The following KIRREL2 variants were observed in gnomAD, a reference collection of about 807,000 sequenced individuals.
KIRREL2 encodes the protein kin of IRRE-like protein 2.
KIRREL2 carries 56 observed loss-of-function variants against 73.4 expected under a neutral mutation model. The ratio of observed to expected loss-of-function variants is 0.76; its 90% CI spans 0.62 to 0.95. The LOEUF (loss-of-function observed/expected upper bound fraction) is 0.95. Among genes scored for constraint, KIRREL2 ranks in the 40% least tolerant of loss-of-function variants. The pLI, the probability that KIRREL2 is intolerant of heterozygous loss-of-function variation, is 0.00. For synonymous variants in KIRREL2, 407 were observed against 404.0 expected, an observed-to-expected ratio of 1.01 and a Z score of -0.09; for missense variants, 896 against 935.0, an observed-to-expected ratio of 0.96 and a Z score of 0.54.
intron 11 of KIRREL2, among the ~76,000 whole-genome samples, chr19:35,862,249 C>A (rs529447374): frequency 6.6e-6 from 1 of 152,154 alleles, no homozygotes; most frequent in African/African-American, 2.4e-5. Flanking sequence ...ACCTAGGGGC[C>A]CCAAAAAGGG....
upstream of KIRREL2, among the ~76,000 whole-genome samples, chr19:35,855,292 C>T (rs569241570): frequency 6.6e-6 from 1 of 152,130 alleles, no homozygotes; most frequent in East Asian, 1.9e-4. Context: ...TTGCTGGGGC[C>T]TTTAATAAGC....
chr19:35,857,212 GTGGGGGT>G, intron 1 of KIRREL2, 32 bp downstream of exon 1: 1 of 1,587,978 alleles, frequency 6.3e-7, no homozygotes, highest in Non-Finnish European at 8.6e-7. Flanking sequence ...GGAATATGGG[GTGGGGGT>G]GGGGAGTTGC....
rs761116739 is a variant in KIRREL2 at position 35,866,311 on chromosome 19, TC to T, written c.1953del (p.Cys652AlafsTer79). The T allele has an allele frequency of 2.5e-6, 4 of 1,607,272 alleles. No homozygotes were observed. Among genetic ancestry groups the T allele is most frequent in the Middle Eastern group, 1.7e-4 (1 of 6,050 alleles). Reference sequence around the variant, plus strand: ...GACTTCAACCCACACCTGGGCATGGTCCCCCCCTGCAGACTTTACAGAGCCA... The same window carrying T: ...GACTTCAACCCACACCTGGGCATGGTCCCCCCTGCAGACTTTACAGAGCCA... The part of the protein sequence containing the change: ...FYDFNPHLGM[V>X]PPCRLYRARA... On this transcript the variant is annotated frameshift_variant, in exon 15 of 15. Coordinates refer to ENST00000360202, the MANE Select transcript of KIRREL2 (RefSeq NM_199180.4). LOFTEE classifies it high-confidence loss of function.
Position 35,859,477 on chromosome 19 carries a change from C to G in KIRREL2, c.523-4C>G, listed in dbSNP as rs941509793. The G allele has an allele frequency of 6.8e-6, 11 of 1,613,632 alleles. No individual in the cohort carries two copies. Among genetic ancestry groups the G allele is most frequent in the Non-Finnish European group, 7.6e-6 (9 of 1,179,696 alleles). The stretch of plus-strand genomic sequence containing the variant: ...GGCATTATTATTCTTATCCTTCCCT[C>G]CAGACCCTGCTGAAGGAAGGGACCC... On this transcript the variant is annotated splice_polypyrimidine_tract_variant and splice_region_variant and intron_variant, in intron 4 of 14. Coordinates refer to ENST00000360202, the MANE Select transcript of KIRREL2 (RefSeq NM_199180.4).
Position 35,862,924 on chromosome 19 carries a change from C to T in KIRREL2, c.1616-3C>T. 6.4e-7 allele frequency: 1 copy of T among 1,553,216 alleles called. No individual in the cohort carries two copies. The highest frequency in any genetic ancestry group is 8.7e-7 in the Non-Finnish European group (1 of 1,144,570). Reference sequence around the variant, plus strand: ...CTTAACTCCACCGGTCGCTGTTTGTCAGCCTCAGCCTCTTTCTCCGAGCAA... The same window carrying T: ...CTTAACTCCACCGGTCGCTGTTTGTTAGCCTCAGCCTCTTTCTCCGAGCAA... On this transcript the variant is annotated splice_polypyrimidine_tract_variant and splice_region_variant and intron_variant, in intron 12 of 14. Transcript: ENST00000360202.
intron 11 of KIRREL2, 30 bp downstream of exon 11, chr19:35,862,054 T>C (rs556953690): frequency 2.5e-6 from 4 of 1,570,480 alleles, no homozygotes; most frequent in Non-Finnish European, 2.6e-6. Context: ...ACCCCAAATC[T>C]GGAGAGTCTA....
upstream of KIRREL2, among the ~76,000 whole-genome samples, chr19:35,853,618 C>A (rs1973336091): frequency 6.6e-6 from 1 of 152,150 alleles, no homozygotes. Context: ...ATCCTCCTGC[C>A]TCAGCCTCCT....
Position 35,858,725 on chromosome 19 carries a change from T to G in KIRREL2, c.383T>G (p.Val128Gly), listed in dbSNP as rs1393463564. Reference sequence around the variant, plus strand: ...GCAGTCCCCCCAGAAGCCCCCCAGGTGCTGGGCGGCCCCTCTGTGTCTCTG... The same window carrying G: ...GCAGTCCCCCCAGAAGCCCCCCAGGGGCTGGGCGGCCCCTCTGTGTCTCTG... ...HVLVPPEAPQ[V>G]LGGPSVSLVA... is the part of the protein sequence containing the mutation. Residue 128 changes from valine to glycine, a missense_variant, in exon 4 of 15, where the codon GTG becomes GGG. By Grantham distance (109) the Val-to-Gly change is moderately radical. Transcript: ENST00000360202. 10 of 1,613,984 alleles carry G rather than the reference T, an allele frequency of 6.2e-6. No homozygotes were observed. Among genetic ancestry groups the G allele is most frequent in the Non-Finnish European group, 2.5e-6 (3 of 1,180,024 alleles).
upstream of KIRREL2, among the ~76,000 whole-genome samples, chr19:35,852,097 CTTT>C (rs10566018): frequency 9.3e-3 from 1,128 of 121,590 alleles, 7 homozygotes; most frequent in African/African-American, 0.031. Context: ...TTTTTTTTTT[CTTT>C]TTTTTTTTTT....
chr19:35,863,455 T>C, intron 13 of KIRREL2, among the ~76,000 whole-genome samples: 1 of 131,524 alleles, frequency 7.6e-6, no homozygotes, highest in Middle Eastern at 3.7e-3. Flanking sequence ...GTAGGAGGGC[T>C]CTAGTCTTTT....
chr19:35,864,607 G>A (rs777438167), intron 13 of KIRREL2, 41 bp from the exon 14 acceptor site: 3 of 1,539,374 alleles, frequency 1.9e-6, no homozygotes, highest in South Asian at 1.1e-5. Context: ...GGGGCGGGGG[G>A]ATCCTCTGAC....
Position 35,864,681 on chromosome 19 carries a change from G to A in KIRREL2, c.1759G>A (p.Val587Ile). The A allele has an allele frequency of 6.2e-7, 1 of 1,613,200 alleles. No homozygotes were observed. The highest frequency in any genetic ancestry group is 2.2e-5 in the East Asian group (1 of 44,866). Residue 587 changes from valine (V) to isoleucine (I), a missense_variant, in exon 14 of 15, where the codon GTT (valine) becomes ATT (isoleucine). Val to Ile is a conservative substitution (Grantham distance 29, BLOSUM62 3). Coordinates refer to ENST00000360202, the MANE Select transcript of KIRREL2 (RefSeq NM_199180.4). ...PIVHTDHSDL[V>I]LEEEGTLETK... ...TGTGCACACTGACCACAGTGATCTG[G>A]TTCTGGAGGAGGAAGGGACTCTGGA...
intron 4 of KIRREL2, 28 bp from the exon 5 acceptor site, chr19:35,859,453 G>A (rs1435839111): frequency 1.2e-6 from 2 of 1,605,668 alleles, no homozygotes; most frequent in Middle Eastern, 1.7e-4. Context: ...TGGGTAGATG[G>A]CATTATTATT....
At chr19:35,854,696 A>G (rs1973366848), upstream of KIRREL2, among the ~76,000 whole-genome samples, 1 of 152,050 alleles carries the variant, frequency 6.6e-6, no homozygotes, top group African/African-American at 2.4e-5. Flanking sequence ...AATCTCAGTC[A>G]ATCTTTATTT....
chr19:35,856,365 G>A (rs955306872), upstream of KIRREL2, among the ~76,000 whole-genome samples: 1 of 152,252 alleles, frequency 6.6e-6, no homozygotes, highest in Admixed American at 6.5e-5. The surrounding 1 kb of genome is among the most constrained non-coding windows in gnomAD (Gnocchi z 5.9). Flanking sequence ...GGATTCCTGG[G>A]TCTTAGGACG....
In KIRREL2 at chr19:35,860,649, A is replaced by G; in HGVS notation, c.910A>G (p.Thr304Ala). 6.2e-7 allele frequency: 1 copy of G among 1,603,140 alleles called. No homozygotes were observed. Among genetic ancestry groups the G allele is most frequent in the Non-Finnish European group, 8.5e-7 (1 of 1,179,898 alleles). Residue 304 changes from threonine to alanine, a missense_variant, in exon 7 of 15, where the codon ACT (threonine) becomes GCT (alanine). By Grantham distance (58) the Thr-to-Ala change is moderately conservative. Transcript: ENST00000360202. Reference sequence around the variant, plus strand: ...CGCCGTGGGTAGCGCCAACCGCAGTACTGCGCTGGATGTGCTGTGTGAGCT... The same window carrying G: ...CGCCGTGGGTAGCGCCAACCGCAGTGCTGCGCTGGATGTGCTGTGTGAGCT... The part of the protein sequence containing the change: ...SNAVGSANRS[T>A]ALDVLFGPIL...
chr19:35,864,514 G>A, intron 13 of KIRREL2, 134 bp from the exon 14 acceptor site: 1 of 664,312 alleles, frequency 1.5e-6, no homozygotes, highest in Non-Finnish European at 2.7e-6. Context: ...ATTGTCCTGA[G>A]TGCAGTCCCC....
intron 9 of KIRREL2, 66 bp from the exon 10 acceptor site, chr19:35,861,461 CGCTGGACAGACCCG>C: frequency 1.3e-6 from 2 of 1,499,144 alleles, no homozygotes; most frequent in Non-Finnish European, 1.8e-6. Context: ...GCGGAGAGTG[CGCTGGACAGACCCG>C]GCTTTGTTAC....
At chr19:35,856,780 G>T, upstream of KIRREL2, 1 of 423,656 alleles carries the variant, frequency 2.4e-6, no homozygotes, top group Non-Finnish European at 4.3e-6. The surrounding 1 kb of genome is among the most constrained non-coding windows in gnomAD (Gnocchi z 5.9). Flanking sequence ...CCCACCCGCC[G>T]GGGGATCCCG....
Sources: allele counts gnomAD v4.1 joint callset (sites outside exome capture counted in the v4.1 genomes callset), GRCh38; gene constraint gnomAD v4.1.1; non-coding constraint Gnocchi (gnomAD v3.1); transcripts MANE v1.5; gene names NCBI Gene and HGNC (gene_info 2026-07-23, HGNC 2026-07-21).